HSPA5: variants seen among roughly 807,000 people sequenced by gnomAD.
HSPA5 encodes the protein endoplasmic reticulum chaperone BiP.
Under a neutral mutation model 49.5 loss-of-function variants are expected in HSPA5, and 16 were observed. That is an observed-to-expected ratio of 0.32 (90% CI 0.22 to 0.49). HSPA5 has a LOEUF of 0.49. HSPA5 is among the 20% of genes least tolerant of loss of function. The pLI, the probability that HSPA5 is intolerant of heterozygous loss-of-function variation, is 0.99. For synonymous variants in HSPA5, 271 were observed against 307.2 expected (o/e 0.88, Z 1.23); for missense variants, 376 against 819.0 (o/e 0.46, Z 6.60).
In HSPA5 at chr9:125,241,343, C is replaced by G. The variant is rs1191224692; in HGVS notation, c.-217G>C. Reference sequence around the variant, plus strand: ...CTGTCTGTGCTGTCTTGGCCGGCGTCGACCTCACCGTCGCCTACTCGGCTT... The same window carrying G: ...CTGTCTGTGCTGTCTTGGCCGGCGTGGACCTCACCGTCGCCTACTCGGCTT... On this transcript the variant is annotated 5_prime_UTR_variant, in exon 1 of 8. Transcript: ENST00000324460. The G allele has an allele frequency of 1.7e-6, 1 of 571,584 alleles. No individual in the cohort carries two copies. Among genetic ancestry groups the G allele is most frequent in the Non-Finnish European group, 3.0e-6 (1 of 330,900 alleles). The allele number at this position is 571,584 out of a possible 1,614,324, so 35.4% of individuals were successfully genotyped here. A position where few individuals can be genotyped will look rare whatever the true frequency, so the allele number is the denominator to read the frequency against.
rs1021599372 is a variant in HSPA5, at chr9:125,241,220, G to A, written c.-94C>T. 6.9e-7 allele frequency: 1 copy of A among 1,450,150 alleles called. No individual in the cohort carries two copies. Among genetic ancestry groups the A allele is most frequent in the Non-Finnish European group, 9.3e-7 (1 of 1,079,224 alleles). The allele number at this position is 1,450,150 out of a possible 1,614,324, so 89.8% of individuals were successfully genotyped here. On this transcript the variant is annotated 5_prime_UTR_variant, in exon 1 of 8. Transcript: ENST00000324460. Reference sequence around the variant, plus strand: ...TCCGACTTGCAGGCGGCAGGGGCCCGGGGTCACAAGGCGCCACGAACCAGG... The same window carrying A: ...TCCGACTTGCAGGCGGCAGGGGCCCAGGGTCACAAGGCGCCACGAACCAGG...
In HSPA5 at chr9:125,236,824, T is replaced by C; in HGVS notation, c.1733A>G (p.Asp578Gly). 1.2e-6 allele frequency: 2 copies of C among 1,613,880 alleles called. No homozygotes were observed. Among genetic ancestry groups the C allele is most frequent in the African/African-American group, 1.3e-5 (1 of 75,064 alleles). Residue 578 changes from aspartate to glycine, a missense_variant, in exon 8 of 8, where the codon GAT becomes GGT. Transcript: ENST00000324460. The stretch of plus-strand genomic sequence containing the variant: ...AAGTTTACCTCCCAGCTTTTCTTTA[T>C]CTCCAATCTGATTCTTTAGAGAATA... ...YAYSLKNQIG[D>G]KEKLGGKLSS... is the part of the protein sequence containing the mutation.
chr9:125,238,867 AG>A, intron 5 of HSPA5, 40 bp from the exon 6 acceptor site: 1 of 1,607,140 alleles, frequency 6.2e-7, no homozygotes, highest in Non-Finnish European at 8.5e-7. Flanking sequence ...CTGTTATCTA[AG>A]TATCTAGATG....
rs1306743375 is a variant in HSPA5 at position 125,239,281 on chromosome 9, T to C, written c.656A>G (p.Asn219Ser). Reference protein sequence around the residue: ...YGLDKREGEKNILVFDLGGGT... With the variant: ...YGLDKREGEKSILVFDLGGGT... ...GCCACCCAGGTCAAACACCAGGATG[T>C]TCTTCTCCCCCTCCCTCTTATCCAG... Residue 219 changes from asparagine (N) to serine (S), a missense_variant, in exon 5 of 8, where the codon AAC becomes AGC. By Grantham distance (46) the Asn-to-Ser change is conservative. This residue lies in a region of HSPA5 where 89 missense variants were observed against 200.0 expected (regional missense o/e 0.44). Transcript: ENST00000324460. The surrounding 1 kb of genome is among the most constrained non-coding windows in gnomAD (Gnocchi z 5.5). 1.2e-6 allele frequency: 2 copies of C among 1,614,068 alleles called. No individual in the cohort carries two copies. The highest frequency in any genetic ancestry group is 1.7e-6 in the Non-Finnish European group (2 of 1,179,932).
chr9:125,241,228 A>G lies in HSPA5; in HGVS notation c.-102T>C. ...GCAGGCGGCAGGGGCCCGGGGTCAC[A>G]AGGCGCCACGAACCAGGCGAAGGGC... On this transcript the variant is annotated 5_prime_UTR_variant, in exon 1 of 8. Transcript: ENST00000324460. The G allele has an allele frequency of 7.1e-7, 1 of 1,413,410 alleles. No homozygotes were observed. Among genetic ancestry groups the G allele is most frequent in the Non-Finnish European group, 9.5e-7 (1 of 1,047,626 alleles). The allele number at this position is 1,413,410 out of a possible 1,614,324, so 87.6% of individuals were successfully genotyped here. A position where few individuals can be genotyped will look rare whatever the true frequency, so the allele number is the denominator to read the frequency against.
intron 7 of HSPA5, among the ~76,000 whole-genome samples, 172 bp downstream of exon 7, chr9:125,237,969 G>A (rs1588430311): frequency 6.6e-6 from 1 of 152,158 alleles, no homozygotes. Flanking sequence ...AGGTGTGGTG[G>A]TCCACGCCTG....
rs2131455722 is a variant in HSPA5, at chr9:125,241,338, G to C, written c.-212C>G. ...TCAATCTGTCTGTGCTGTCTTGGCC[G>C]GCGTCGACCTCACCGTCGCCTACTC... On this transcript the variant is annotated 5_prime_UTR_variant, in exon 1 of 8. Coordinates refer to ENST00000324460, the MANE Select transcript of HSPA5 (RefSeq NM_005347.5). 3.4e-6 allele frequency: 2 copies of C among 581,680 alleles called. No individual in the cohort carries two copies. The highest frequency in any genetic ancestry group is 6.1e-5 in the East Asian group (2 of 33,036). The allele number at this position is 581,680 out of a possible 1,614,324, so 36.0% of individuals were successfully genotyped here.
In HSPA5 at chr9:125,234,963, T is replaced by C. The variant is rs1334456560; in HGVS notation, c.*1629A>G. 1 of 152,132 alleles carries C rather than the reference T, an allele frequency of 6.6e-6. No homozygotes were observed. Among genetic ancestry groups the C allele is most frequent in the Non-Finnish European group, 1.5e-5 (1 of 68,034 alleles). 9.4% of individuals were successfully genotyped at this position (152,132 alleles called of 1,614,324 possible). ...GTAAGGGAAGACTAGCCCTAGTTGC[T>C]AACTACCATTTAACCCTATTGCCCC... On this transcript the variant is annotated 3_prime_UTR_variant, in exon 8 of 8. Transcript: ENST00000324460.
chr9:125,236,881 A>G lies in HSPA5; in HGVS notation c.1676T>C (p.Ile559Thr), dbSNP rs1189961861. 4 of 1,613,834 alleles carry G rather than the reference A, an allele frequency of 2.5e-6. No individual in the cohort carries two copies. The African/African-American group carries it at 4.0e-5, about 16-fold the overall frequency. The change falls in exon 8 of 8, where the codon ATT becomes ACT. Residue 559 changes from isoleucine (I) to threonine (T), a missense_variant. Ile to Thr is a moderately conservative substitution (Grantham distance 89). Coordinates refer to ENST00000324460, the MANE Select transcript of HSPA5 (RefSeq NM_005347.5). ...GCTTTCCAACTCATTTCTAGTATCA[A>G]TGCGCTCCTTGAGCTTTTTGTCTTC... ...AEEDKKLKERIDTRNELESYA... is the reference protein window; with the variant it reads ...AEEDKKLKERTDTRNELESYA...
At position 125,239,598 on chromosome 9, in the gene HSPA5, T is replaced by C. The variant is rs1481839364; in HGVS notation, c.493-65A>G. 6 of 1,352,206 alleles carry C rather than the reference T, an allele frequency of 4.4e-6. No individual in the cohort carries two copies. In the African/African-American group the frequency reaches 8.6e-5, roughly 19 times the overall value. The allele number at this position is 1,352,206 out of a possible 1,614,324, so 83.8% of individuals were successfully genotyped here. Reference sequence around the variant, plus strand: ...TTTAACCCTTATTTAAATTACAGTCTGGCCAGGCGGTGGCTTCTGCCTATA... The same window carrying C: ...TTTAACCCTTATTTAAATTACAGTCCGGCCAGGCGGTGGCTTCTGCCTATA... On this transcript the variant is annotated intron_variant, in intron 3 of 7. Coordinates refer to ENST00000324460, the MANE Select transcript of HSPA5 (RefSeq NM_005347.5). The surrounding 1 kb of genome is among the most constrained non-coding windows in gnomAD (Gnocchi z 5.5).
chr9:125,236,835 A>T lies in HSPA5; in HGVS notation c.1722T>A (p.Asn574Lys), dbSNP rs1588429751. Residue 574 changes from asparagine (N) to lysine (K), a missense_variant, in exon 8 of 8, where the codon AAT becomes AAA. This residue lies in a region of HSPA5 where 71 missense variants were observed against 169.9 expected (regional missense o/e 0.42). Transcript: ENST00000324460. ...CCAGCTTTTCTTTATCTCCAATCTG[A>T]TTCTTTAGAGAATAGGCATAGCTTT... The part of the protein sequence containing the change: ...ELESYAYSLK[N>K]QIGDKEKLGG... The T allele has an allele frequency of 6.2e-7, 1 of 1,613,660 alleles. No homozygotes were observed. The highest frequency in any genetic ancestry group is 8.5e-7 in the Non-Finnish European group (1 of 1,179,764).
rs930770942 is a variant in HSPA5 at position 125,235,200 on chromosome 9, G to C, written c.*1392C>G. 1 of 151,686 alleles carries C rather than the reference G, an allele frequency of 6.6e-6. No individual in the cohort carries two copies. Among genetic ancestry groups the C allele is most frequent in the Non-Finnish European group, 1.5e-5 (1 of 68,082 alleles). The allele number at this position is 151,686 out of a possible 1,614,324, so 9.4% of individuals were successfully genotyped here. A position where few individuals can be genotyped will look rare whatever the true frequency, so the allele number is the denominator to read the frequency against. On this transcript the variant is annotated 3_prime_UTR_variant, in exon 8 of 8. Coordinates refer to ENST00000324460, the MANE Select transcript of HSPA5 (RefSeq NM_005347.5). The stretch of plus-strand genomic sequence containing the variant: ...TCTATAAAATACCTATCCTTGGGCA[G>C]TATTGGATTCTTTTTTTTTTTTTTG...
In HSPA5 at chr9:125,241,183, C is replaced by G. The variant is rs1832561197; in HGVS notation, c.-57G>C. 10 of 1,555,478 alleles carry G rather than the reference C, an allele frequency of 6.4e-6. No individual in the cohort carries two copies. The highest frequency in any genetic ancestry group is 8.7e-6 in the Non-Finnish European group (10 of 1,153,796). ...CCAGCCACAGGCCGTAGCACAGGAGCACAGCGCAATTTCCGACTTGCAGGC... is the reference window on the plus strand; with the variant it reads ...CCAGCCACAGGCCGTAGCACAGGAGGACAGCGCAATTTCCGACTTGCAGGC... On this transcript the variant is annotated 5_prime_UTR_variant, in exon 1 of 8. Coordinates refer to ENST00000324460, the MANE Select transcript of HSPA5 (RefSeq NM_005347.5).
At position 125,238,325 on chromosome 9, in the gene HSPA5, T is replaced by G. The variant is rs1328665041; in HGVS notation, c.1235-17A>C. 5 of 1,606,704 alleles carry G rather than the reference T, an allele frequency of 3.1e-6. No homozygotes were observed. The highest frequency in any genetic ancestry group is 4.3e-6 in the Non-Finnish European group (5 of 1,174,736). On this transcript the variant is annotated splice_polypyrimidine_tract_variant and intron_variant, in intron 6 of 7. Coordinates refer to ENST00000324460, the MANE Select transcript of HSPA5 (RefSeq NM_005347.5). ...CCAGGTCACCTGTAAGGATAAGTTA[T>G]TTAACTTTTAATTCAAGTTCTCCCT...
intron 6 of HSPA5, 96 bp downstream of exon 6, chr9:125,238,494 T>C: frequency 9.0e-7 from 1 of 1,109,262 alleles, no homozygotes; most frequent in Non-Finnish European, 1.3e-6. Context: ...CTGTGTGACC[T>C]TGTTGCTCAT....
rs1204614502 is a variant in HSPA5 at position 125,240,094 on chromosome 9, C to G, written c.492+78G>C. The stretch of plus-strand genomic sequence containing the variant: ...TGATTAAAATTTTTGAAACCCTTCA[C>G]GAAGGCTTCTATACATAACAGCCAA... On this transcript the variant is annotated intron_variant, in intron 3 of 7. Coordinates refer to ENST00000324460, the MANE Select transcript of HSPA5 (RefSeq NM_005347.5). This position sits in a 1 kb window ranked among gnomAD's most constrained non-coding sequence, Gnocchi z 4.4. 2 of 1,181,894 alleles carry G rather than the reference C, an allele frequency of 1.7e-6. No homozygotes were observed. The highest frequency in any genetic ancestry group is 1.5e-5 in the African/African-American group (1 of 65,386). 73.2% of individuals were successfully genotyped at this position (1,181,894 alleles called of 1,614,324 possible). A position where few individuals can be genotyped will look rare whatever the true frequency, so the allele number is the denominator to read the frequency against.
Position 125,240,958 on chromosome 9 carries a change from G to C in HSPA5, c.122+47C>G. 1 of 1,611,592 alleles carries C rather than the reference G, an allele frequency of 6.2e-7. No homozygotes were observed. On this transcript the variant is annotated intron_variant, in intron 1 of 7. Transcript: ENST00000324460. This position sits in a 1 kb window ranked among gnomAD's most constrained non-coding sequence, Gnocchi z 4.4. ...CATCAGCACCGCACTTCTCACGCCA[G>C]GCCAGGCGGCCACGCCCCGTCCCCC...
At position 125,236,783 on chromosome 9, in the gene HSPA5, C is replaced by G. The variant is rs909088557; in HGVS notation, c.1774G>C (p.Glu592Gln). The G allele has an allele frequency of 6.2e-7, 1 of 1,613,544 alleles. No individual in the cohort carries two copies. ...TCTTCTACAGCTTTTTCCATGGTCT[C>G]CTTATCTTCAGAGGAAAGTTTACCT... ...LGGKLSSEDK[E>Q]TMEKAVEEKI... The change falls in exon 8 of 8, where the codon GAG becomes CAG. Residue 592 changes from glutamate to glutamine, a missense_variant. Glu to Gln is a conservative substitution (Grantham distance 29). Around this residue, in one of 8 missense-constraint regions of HSPA5, gnomAD observed 72 missense variants for 87.8 expected, o/e 0.82. Transcript: ENST00000324460.
rs189541103 is a variant in HSPA5, at chr9:125,237,490, T to C, written c.1403-336A>G. Among the ~76,000 whole-genome samples, 231 of 151,874 alleles carry C rather than the reference T, an allele frequency of 1.5e-3. 3 individuals are homozygous for C. Among genetic ancestry groups the C allele is most frequent in the African/African-American group, 5.4e-3 (224 of 41,410 alleles). ...CAGTACTTTGGGAGGCCGAGGTCGG[T>C]GGATCACCTGAGGTTAGGGGTTCAA... On this transcript the variant is annotated intron_variant, in intron 7 of 7. Coordinates refer to ENST00000324460, the MANE Select transcript of HSPA5 (RefSeq NM_005347.5).
Sources: allele counts gnomAD v4.1 joint callset (sites outside exome capture counted in the v4.1 genomes callset), GRCh38; gene constraint gnomAD v4.1.1; regional missense constraint gnomAD v4.1.1; non-coding constraint Gnocchi (gnomAD v3.1); transcripts MANE v1.5; gene names NCBI Gene and HGNC (gene_info 2026-07-23, HGNC 2026-07-21).